The following WSCD1 variants were observed in gnomAD, a reference collection of about 807,000 sequenced individuals.
WSCD1 encodes the protein sialate:O-sulfotransferase 1.
Under a neutral mutation model 60.4 loss-of-function variants are expected in WSCD1, and 41 were observed. The observed-to-expected ratio is 0.68, with a 90% CI of 0.53 to 0.88. The LOEUF is 0.88. WSCD1 is among the 40% of genes least tolerant of loss of function. The pLI, the probability that WSCD1 is intolerant of heterozygous loss-of-function variation, is 0.00. For synonymous variants in WSCD1, 361 were observed against 332.5 expected (o/e 1.09, Z -0.93); for missense variants, 784 against 796.2 (o/e 0.98, Z 0.18).
At chr17:6,105,928 T>G (rs1911062781) in intron 5 of WSCD1, among the ~76,000 whole-genome samples, 1 of 152,182 alleles carries the variant, frequency 6.6e-6, no homozygotes, top group African/African-American at 2.4e-5. Context: ...ATGCCTGTGG[T>G]GCAGTTAACC....
intron 1 of WSCD1, among the ~76,000 whole-genome samples, chr17:6,076,445 G>T (rs1908863924): frequency 6.6e-6 from 1 of 152,160 alleles, no homozygotes; most frequent in Non-Finnish European, 1.5e-5. Context: ...CAGAGCTGGG[G>T]AGAGGCCTCT....
intron 5 of WSCD1, among the ~76,000 whole-genome samples, chr17:6,108,453 G>T (rs563140306): frequency 6.6e-6 from 1 of 152,246 alleles, no homozygotes; most frequent in African/African-American, 2.4e-5. Context: ...AGAAGGAAGA[G>T]ATGAAAAGGG....
In WSCD1 at chr17:6,091,906, C is replaced by T. The variant is rs558715468; in HGVS notation, c.727+1401C>T. 3.9e-4 allele frequency among the ~76,000 whole-genome samples: 59 copies of T among 152,280 alleles called. No individual in the cohort carries two copies. The South Asian group carries it at 0.012, about 32-fold the overall frequency. ...GCGCGGTGGCTCACGCCTGTAATCC[C>T]AGCACTTTGGGAGGCCAAGGCGGGC... On this transcript the variant is annotated intron_variant, in intron 4 of 8. Coordinates refer to ENST00000317744, the MANE Select transcript of WSCD1 (RefSeq NM_015253.2).
At chr17:6,119,090 A>G (rs1009735065) in intron 8 of WSCD1, among the ~76,000 whole-genome samples, 1 of 152,208 alleles carries the variant, frequency 6.6e-6, no homozygotes, top group Middle Eastern at 3.4e-3. Flanking sequence ...ATTCCATCAC[A>G]AGGGCCCCAC....
intron 2 of WSCD1, among the ~76,000 whole-genome samples, 174 bp downstream of exon 2, chr17:6,081,259 T>C (rs1909254052): frequency 6.6e-6 from 1 of 152,200 alleles, no homozygotes; most frequent in Admixed American, 6.5e-5. Context: ...AGGGTTTTGC[T>C]CACTCACCAG....
rs1438787571 is a variant in WSCD1 at position 6,101,482 on chromosome 17, C to A, written c.849+6259C>A. The stretch of plus-strand genomic sequence containing the variant: ...TCCTTGTAGTGCCCCCACCTTTGAG[C>A]ACCATCTGAGGCTTATTTGTGGCCC... On this transcript the variant is annotated intron_variant, in intron 5 of 8. Coordinates refer to ENST00000317744, the MANE Select transcript of WSCD1 (RefSeq NM_015253.2). The surrounding 1 kb of genome is among the most constrained non-coding windows in gnomAD (Gnocchi z 4.1). 6.6e-6 allele frequency among the ~76,000 whole-genome samples: 1 copy of A among 152,074 alleles called. No homozygotes were observed.
chr17:6,098,220 C>T (rs866965890), intron 5 of WSCD1, among the ~76,000 whole-genome samples: 1 of 152,146 alleles, frequency 6.6e-6, no homozygotes, highest in South Asian at 2.1e-4. Flanking sequence ...AATCTGCCCT[C>T]CTTGGCCTCC....
At chr17:6,091,599 AT>A (rs964161586) in intron 4 of WSCD1, among the ~76,000 whole-genome samples, 1 of 152,228 alleles carries the variant, frequency 6.6e-6, no homozygotes, top group Non-Finnish European at 1.5e-5. Context: ...GCTTCCTCTA[AT>A]CACAGAAGGC....
chr17:6,093,429 A>C (rs1460918107), intron 4 of WSCD1, among the ~76,000 whole-genome samples: 1 of 152,200 alleles, frequency 6.6e-6, no homozygotes, highest in Non-Finnish European at 1.5e-5. Flanking sequence ...TGGAGGCCTC[A>C]TGGCCCCCTT....
chr17:6,110,912 T>C lies in WSCD1; in HGVS notation c.1151T>C (p.Phe384Ser). Reference protein sequence around the residue: ...ATGFYTGSYYFDGTLYNKGFK... With the variant: ...ATGFYTGSYYSDGTLYNKGFK... ...GGCTTCTATACAGGGAGCTACTACTTTGATGGAACCCTCTACAACAAAGGT... is the reference window on the plus strand; with the variant it reads ...GGCTTCTATACAGGGAGCTACTACTCTGATGGAACCCTCTACAACAAAGGT... Residue 384 changes from phenylalanine (F) to serine (S), a missense_variant, in exon 7 of 9, where the codon TTT becomes TCT. By Grantham distance (155) the Phe-to-Ser change is radical (BLOSUM62 -2). Coordinates refer to ENST00000317744, the MANE Select transcript of WSCD1 (RefSeq NM_015253.2). This position sits in a 1 kb window ranked among gnomAD's most constrained non-coding sequence, Gnocchi z 4.8. The C allele has an allele frequency of 3.7e-6, 6 of 1,608,650 alleles. No individual in the cohort carries two copies. Among genetic ancestry groups the C allele is most frequent in the Non-Finnish European group, 5.1e-6 (6 of 1,175,624 alleles).
chr17:6,069,390 CGTGTGTGTGTGTGT>C (rs771018197), upstream of WSCD1: 514 of 335,748 alleles, frequency 1.5e-3, 3 homozygotes, highest in African/African-American at 0.012. Context: ...CACCTCGGTG[CGTGTGTGTGTGTGT>C]GTGTGTGTGT....
At chr17:6,070,782 T>G (rs1908488379) in intron 1 of WSCD1, 130 bp downstream of exon 1, 1 of 149,962 alleles carries the variant, frequency 6.7e-6, no homozygotes, top group Non-Finnish European at 1.5e-5. Context: ...CTGCTCCGGC[T>G]GCAGGGCGGG....
chr17:6,073,304 C>T (rs1209633897), intron 1 of WSCD1, among the ~76,000 whole-genome samples: 1 of 152,178 alleles, frequency 6.6e-6, no homozygotes, highest in Non-Finnish European at 1.5e-5. Flanking sequence ...GGAAGAAACA[C>T]ATGAATAAGT....
chr17:6,070,830 C>A (rs1267856522), intron 1 of WSCD1, among the ~76,000 whole-genome samples, 178 bp downstream of exon 1: 3 of 136,500 alleles, frequency 2.2e-5, no homozygotes, highest in African/African-American at 5.4e-5. Flanking sequence ...CGGGGCGGCT[C>A]GGCCGGGGCA....
rs140669304 is a variant in WSCD1, at chr17:6,090,374, G to A, written c.596G>A (p.Arg199Gln). 2.4e-5 allele frequency: 39 copies of A among 1,609,608 alleles called. No homozygotes were observed. Among genetic ancestry groups the A allele is most frequent in the Admixed American group, 6.8e-5 (4 of 59,202 alleles). Residue 199 changes from arginine to glutamine, a missense_variant, in exon 4 of 9, where the codon CGG becomes CAG. Transcript: ENST00000317744. ...EAGAECYCGN[R>Q]LPAVSVGLEE... The stretch of plus-strand genomic sequence containing the variant: ...GGGGCGGAGTGTTACTGCGGGAACC[G>A]GCTGCCAGCGGTGAGCGTGGGGCTG...
Position 6,080,417 on chromosome 17 carries a change from T to C in WSCD1, c.-242T>C, listed in dbSNP as rs1909154309. The C allele has an allele frequency of 5.5e-6, 3 of 541,380 alleles. No individual in the cohort carries two copies. The highest frequency in any genetic ancestry group is 9.7e-6 in the Non-Finnish European group (3 of 309,306). The allele number at this position is 541,380 out of a possible 1,614,324, so 33.5% of individuals were successfully genotyped here. A position where few individuals can be genotyped will look rare whatever the true frequency, so the allele number is the denominator to read the frequency against. ...GGGCGGTAGAGCCCTGGAATGGAGA[T>C]GTCCTTGACGCCTGGGCAGAGGCTG... On this transcript the variant is annotated 5_prime_UTR_variant, in exon 2 of 9. The change abolishes an upstream ATG in the 5' untranslated region. Coordinates refer to ENST00000317744, the MANE Select transcript of WSCD1 (RefSeq NM_015253.2). The surrounding 1 kb of genome is among the most constrained non-coding windows in gnomAD (Gnocchi z 6.6).
At chr17:6,084,272 A>G (rs544516348) in intron 2 of WSCD1, among the ~76,000 whole-genome samples, 2 of 152,380 alleles carry the variant, frequency 1.3e-5, no homozygotes, top group East Asian at 3.9e-4. Context: ...CAGCAAAACA[A>G]CCAAGTCTGG....
rs185912635 is a variant in WSCD1 at position 6,105,573 on chromosome 17, G to A, written c.850-4034G>A. Among the ~76,000 whole-genome samples, 9 of 152,286 alleles carry A rather than the reference G, an allele frequency of 5.9e-5. No individual in the cohort carries two copies. In the East Asian group the frequency reaches 1.7e-3, roughly 29 times the overall value. ...GTTTTCAGAATCCAGTGATGTTGCT[G>A]GAGCGGTGATGTTGTAAATAAAACC... On this transcript the variant is annotated intron_variant, in intron 5 of 8. Transcript: ENST00000317744.
intron 5 of WSCD1, among the ~76,000 whole-genome samples, chr17:6,095,907 G>A (rs950702085): frequency 1.3e-5 from 2 of 152,192 alleles, no homozygotes; most frequent in African/African-American, 4.8e-5. Context: ...CTCTAGAAAT[G>A]GCCCTTGGTG....
Sources: gnomAD v4.1 joint callset for allele counts (sites outside exome capture counted in the v4.1 genomes callset) on GRCh38, gnomAD v4.1.1 for gene constraint, Gnocchi (gnomAD v3.1) non-coding constraint, MANE v1.5 for transcripts, NCBI Gene and HGNC (gene_info 2026-07-23, HGNC 2026-07-21) for gene names.